Variants in CCM2L observed in about 807,000 individuals in gnomAD.
CCM2L encodes the protein cerebral cavernous malformations 2 protein-like.
CCM2L carries 36 observed loss-of-function variants against 54.1 expected under a neutral mutation model. The ratio of observed to expected loss-of-function variants is 0.67; its 90% CI spans 0.51 to 0.88. The LOEUF (loss-of-function observed/expected upper bound fraction) is 0.88, where lower values mean the gene tolerates loss of function less well. Ranked by LOEUF, CCM2L falls within the 40% of genes least tolerant of loss-of-function variation. The probability of loss-of-function intolerance (pLI) is 0.00; values close to 1 mark genes in which losing one functional copy is unlikely to be tolerated. For missense variants in CCM2L, 700 were observed against 812.1 expected, an observed-to-expected ratio of 0.86 and a Z score of 1.68; for synonymous variants, 351 against 359.3, an observed-to-expected ratio of 0.98 and a Z score of 0.26.
Position 32,014,902 on chromosome 20 carries a change from A to G in CCM2L, c.31-2A>G. On this transcript the variant is annotated splice_acceptor_variant, in intron 1 of 9. Transcript: ENST00000452892. LOFTEE classifies it high-confidence loss of function. Reference sequence around the variant, plus strand: ...CACTCTCATTCCTCCTCTCCTCCCCAGGGCTTTGTATCCCCCATCCGAAGG... The same window carrying G: ...CACTCTCATTCCTCCTCTCCTCCCCGGGGCTTTGTATCCCCCATCCGAAGG... 6.3e-7 allele frequency: 1 copy of G among 1,597,284 alleles called. No homozygotes were observed.
At chr20:32,017,217 GTTGA>G (rs1568912976) in intron 2 of CCM2L, among the ~76,000 whole-genome samples, 1 of 152,106 alleles carries the variant, frequency 6.6e-6, no homozygotes, top group Non-Finnish European at 1.5e-5. Flanking sequence ...GGAAAAATTT[GTTGA>G]TTTAGTGCAT....
At chr20:32,025,761 AC>A in intron 6 of CCM2L, 94 bp from the exon 7 acceptor site, 2 of 862,966 alleles carry the variant, frequency 2.3e-6, no homozygotes, top group Non-Finnish European at 3.3e-6. Flanking sequence ...GCAGGACTAG[AC>A]TTCAGGCTGA....
chr20:32,026,859 G>C (rs1441094341), intron 7 of CCM2L, among the ~76,000 whole-genome samples: 1 of 149,786 alleles, frequency 6.7e-6, no homozygotes. Context: ...CTGGGCGACA[G>C]AGCGAGACTC....
In CCM2L at chr20:32,015,859, C is replaced by CTTTTTTTT. The variant is rs199989562; in HGVS notation, c.198+796_198+803dup. The stretch of plus-strand genomic sequence containing the variant: ...CTTCCACCACTTAGGAGCTGTACTT[C>CTTTTTTTT]TTTTTTTTTTTTTTTGAGACAGAGT... On this transcript the variant is annotated intron_variant, in intron 2 of 9. Transcript: ENST00000452892. Among the ~76,000 whole-genome samples the CTTTTTTTT allele has an allele frequency of 1.5e-3, 193 of 127,866 alleles. 9 individuals carry two copies. Among genetic ancestry groups the CTTTTTTTT allele is most frequent in the African/African-American group, 5.1e-3 (160 of 31,108 alleles). The allele number at this position is 127,866 out of a possible 152,430, so 83.9% of individuals were successfully genotyped here.
intron 5 of CCM2L, 72 bp from the exon 6 acceptor site, chr20:32,022,586 ACT>A (rs2064814668): frequency 2.6e-6 from 4 of 1,555,292 alleles, no homozygotes; most frequent in South Asian, 1.2e-5. Flanking sequence ...ATCTTCACAC[ACT>A]GTTTTAGGAA....
chr20:32,019,714 C>G lies in CCM2L; in HGVS notation c.933+305C>G, dbSNP rs575039179. On this transcript the variant is annotated intron_variant, in intron 5 of 9. Transcript: ENST00000452892. ...GTAACATTCACGAGGACACTAATCA[C>G]CAGCGTGAATCTAGGGCCAGCTCAT... Among the ~76,000 whole-genome samples, 4 of 152,324 alleles carry G rather than the reference C, an allele frequency of 2.6e-5. 1 individual carries two copies. The South Asian group carries it at 8.3e-4, about 32-fold the overall frequency.
At chr20:32,024,049 A>G in intron 6 of CCM2L, among the ~76,000 whole-genome samples, 1 of 152,202 alleles carries the variant, frequency 6.6e-6, no homozygotes, top group East Asian at 1.9e-4. Flanking sequence ...CCAGTTTTAC[A>G]GATGAGGACA....
chr20:32,030,561 G>C (rs920100586), intron 9 of CCM2L, among the ~76,000 whole-genome samples: 6 of 152,130 alleles, frequency 3.9e-5, no homozygotes, highest in African/African-American at 1.4e-4. Context: ...AAATAGGCCT[G>C]GCGAGGTGGC....
chr20:32,031,062 G>GGGCATCCGCGAGGGC lies in CCM2L; in HGVS notation c.1472_1486dup (p.Arg491_Ile495dup). 1 of 1,304,260 alleles carries GGGCATCCGCGAGGGC rather than the reference G, an allele frequency of 7.7e-7. No individual in the cohort carries two copies. Among genetic ancestry groups the GGGCATCCGCGAGGGC allele is most frequent in the African/African-American group, 1.5e-5 (1 of 65,986 alleles). The allele number at this position is 1,304,260 out of a possible 1,614,324, so 80.8% of individuals were successfully genotyped here. ...ACTTCGAGGGCTTCCTGGAGGGCGT[G>GGGCATCCGCGAGGGC]GGCATCCGCGAGGGCGGCATCCTCA... is the stretch of plus-strand genomic sequence containing the variant. On this transcript the variant is annotated inframe_insertion, in exon 10 of 10. Transcript: ENST00000452892.
At chr20:32,014,837 G>A (rs2064725465) in intron 1 of CCM2L, 67 bp from the exon 2 acceptor site, 14 of 1,428,132 alleles carry the variant, frequency 9.8e-6, no homozygotes, top group African/African-American at 1.5e-5. Context: ...GTAAGTAAAA[G>A]TGAGCATAGT....
intron 4 of CCM2L, 88 bp from the exon 5 acceptor site, chr20:32,018,855 C>T (rs2064767593): frequency 4.1e-6 from 5 of 1,222,546 alleles, no homozygotes; most frequent in Non-Finnish European, 5.1e-6. Context: ...CCCAGAGCCG[C>T]GAGGTCAGGT....
In CCM2L at chr20:32,019,383, C is replaced by T. The variant is rs1232054718; in HGVS notation, c.907C>T (p.Leu303=). The T allele has an allele frequency of 5.2e-6, 8 of 1,530,464 alleles. No individual in the cohort carries two copies. The highest frequency in any genetic ancestry group is 8.7e-7 in the Non-Finnish European group (1 of 1,147,354). The allele number at this position is 1,530,464 out of a possible 1,614,324, so 94.8% of individuals were successfully genotyped here. A position where few individuals can be genotyped will look rare whatever the true frequency, so the allele number is the denominator to read the frequency against. The change falls in exon 5 of 10, where the codon CTG becomes TTG. Residue 303 remains leucine (L), a synonymous_variant. Transcript: ENST00000452892. ...QDPSPDAYCN[L]VILAVANRDA... is the part of the protein sequence containing the mutation. ...CCCCAGCCCCGACGCCTACTGCAAC[C>T]TGGTCATCCTGGCTGTAGCCAACAG... is the stretch of plus-strand genomic sequence containing the variant.
At position 32,017,822 on chromosome 20, in the gene CCM2L, T is replaced by TG. The variant is rs762300073; in HGVS notation, c.222dup (p.Thr75AspfsTer52). 1 of 1,614,112 alleles carries TG rather than the reference T, an allele frequency of 6.2e-7. No homozygotes were observed. Among genetic ancestry groups the TG allele is most frequent in the Non-Finnish European group, 8.5e-7 (1 of 1,180,016 alleles). The stretch of plus-strand genomic sequence containing the variant: ...CAGTTCCTGGGCCACCTTACCTGGG[T>TG]GACTTCCTCACTGAACCCCTCCAGT... On this transcript the variant is annotated frameshift_variant, in exon 3 of 10. Transcript: ENST00000452892. LOFTEE classifies it high-confidence loss of function.
chr20:32,014,381 TC>T (rs2064720431), intron 1 of CCM2L, among the ~76,000 whole-genome samples: 1 of 151,666 alleles, frequency 6.6e-6, no homozygotes, highest in Non-Finnish European at 1.5e-5. Context: ...TTCTCCTGAC[TC>T]AGCCTCCCGA....
chr20:32,016,504 A>T (rs947505699), intron 2 of CCM2L, among the ~76,000 whole-genome samples: 7 of 151,956 alleles, frequency 4.6e-5, no homozygotes, highest in Non-Finnish European at 8.8e-5. Flanking sequence ...AAAATACAAA[A>T]AATTAGCTGG....
At chr20:32,015,152 C>A in intron 2 of CCM2L, 81 bp downstream of exon 2, 1 of 1,333,246 alleles carries the variant, frequency 7.5e-7, no homozygotes, top group Non-Finnish European at 1.0e-6. Context: ...TTCTGATCAG[C>A]CGTATCTCAC....
chr20:32,023,449 A>T (rs769840142), intron 6 of CCM2L, among the ~76,000 whole-genome samples: 3 of 152,248 alleles, frequency 2.0e-5, no homozygotes, highest in Non-Finnish European at 4.4e-5. Flanking sequence ...CTAGGACCCT[A>T]ACACAAAACC....
rs2064923301 is a variant in CCM2L at position 32,031,252 on chromosome 20, G to A, written c.1654G>A (p.Asp552Asn). 1.5e-5 allele frequency: 19 copies of A among 1,297,894 alleles called. No homozygotes were observed. The highest frequency in any genetic ancestry group is 1.8e-5 in the Non-Finnish European group (18 of 988,518). The allele number at this position is 1,297,894 out of a possible 1,614,324, so 80.4% of individuals were successfully genotyped here. Residue 552 changes from aspartate (D) to asparagine (N), a missense_variant, in exon 10 of 10, where the codon GAC becomes AAC. By Grantham distance (23) the Asp-to-Asn change is conservative. Coordinates refer to ENST00000452892, the MANE Select transcript of CCM2L (RefSeq NM_001365692.1). ...EALAPDDDDD[D>N]EDEPRGSRGG... The stretch of plus-strand genomic sequence containing the variant: ...GCTGGCCCCCGATGACGACGACGAC[G>A]ACGAGGATGAGCCCCGGGGCTCCAG...
At chr20:32,023,559 C>T in intron 6 of CCM2L, among the ~76,000 whole-genome samples, 1 of 152,242 alleles carries the variant, frequency 6.6e-6, no homozygotes, top group East Asian at 1.9e-4. Flanking sequence ...AAGCACCGTA[C>T]CAATGTGCCA....
Sources: allele counts gnomAD v4.1 joint callset (sites outside exome capture counted in the v4.1 genomes callset), GRCh38; gene constraint gnomAD v4.1.1; transcripts MANE v1.5; gene names NCBI Gene and HGNC (gene_info 2026-07-23, HGNC 2026-07-21).